ETV3: variants seen among roughly 807,000 people sequenced by gnomAD.
The protein encoded by ETV3 is ETS translocation variant 3.
ETV3 carries 8 observed loss-of-function variants against 33.0 expected under a neutral mutation model. That is an observed-to-expected ratio of 0.24 (90% CI 0.14 to 0.44). ETV3 has a LOEUF of 0.44. Ranked by LOEUF, ETV3 falls within the 20% of genes least tolerant of loss-of-function variation. The pLI is 1.00. For synonymous variants in ETV3, 222 were observed against 238.9 expected (o/e 0.93, Z 0.65); for missense variants, 473 against 652.3 (o/e 0.73, Z 2.99).
At chr1:157,133,332 A>C in intron 4 of ETV3, 1 of 938,192 alleles carries the variant, frequency 1.1e-6, no homozygotes. Flanking sequence ...GTGGTTTGCG[A>C]ATCTACTAGG....
At chr1:157,135,132 A>G in intron 3 of ETV3, 1 of 345,296 alleles carries the variant, frequency 2.9e-6, no homozygotes. Flanking sequence ...ACAGATTCTA[A>G]TAGAGAAGTC....
rs1243255856 is a variant in ETV3, at chr1:157,135,664, C to G, written c.91G>C (p.Gly31Arg). 3 of 1,614,086 alleles carry G rather than the reference C, an allele frequency of 1.9e-6. No individual in the cohort carries two copies. Among genetic ancestry groups the G allele is most frequent in the Non-Finnish European group, 2.5e-6 (3 of 1,180,050 alleles). ...TGCCACAGCTGGATCTGCCGGGAGCCTGGGGATGACTCTGTTTTGTAGGCC... is the reference window on the plus strand; with the variant it reads ...TGCCACAGCTGGATCTGCCGGGAGCGTGGGGATGACTCTGTTTTGTAGGCC... ...DWAYKTESSP[G>R]SRQIQLWHFI... Residue 31 changes from glycine (G) to arginine (R), a missense_variant, in exon 3 of 5, where the codon GGC (glycine) becomes CGC (arginine). Gly to Arg is a moderately radical substitution (Grantham distance 125). Transcript: ENST00000368192.
chr1:157,133,217 C>T (rs1444760170), intron 4 of ETV3: 1 of 166,426 alleles, frequency 6.0e-6, no homozygotes, highest in East Asian at 1.9e-4. Flanking sequence ...TGTCATTAAT[C>T]TCTTACTGTG....
chr1:157,123,456 C>G lies in ETV3; in HGVS notation c.*1385G>C, dbSNP rs1284714118. 5 of 152,280 alleles carry G rather than the reference C, an allele frequency of 3.3e-5. No homozygotes were observed. Among genetic ancestry groups the G allele is most frequent in the Non-Finnish European group, 7.3e-5 (5 of 68,060 alleles). 9.4% of individuals were successfully genotyped at this position (152,280 alleles called of 1,614,324 possible). ...AATTGAACATGAGAATCAGAACAAT[C>G]TGGGCAAATGGGTATGGCAAGAATG... On this transcript the variant is annotated 3_prime_UTR_variant, in exon 5 of 5. Transcript: ENST00000368192.
In ETV3 at chr1:157,124,352, T is replaced by C. The variant is rs1236625022; in HGVS notation, c.*489A>G. ...TCTTATTCCTTCCCTGAAATAATTA[T>C]AAAGAAGCATTTCAGGCAAAATACT... On this transcript the variant is annotated 3_prime_UTR_variant, in exon 5 of 5. Coordinates refer to ENST00000368192, the MANE Select transcript of ETV3 (RefSeq NM_001145312.3). The C allele has an allele frequency of 6.6e-6, 1 of 151,270 alleles. No homozygotes were observed. The highest frequency in any genetic ancestry group is 2.4e-5 in the African/African-American group (1 of 41,122). The allele number at this position is 151,270 out of a possible 1,614,324, so 9.4% of individuals were successfully genotyped here. A position where few individuals can be genotyped will look rare whatever the true frequency, so the allele number is the denominator to read the frequency against.
At chr1:157,134,657 A>C (rs1313931339) in intron 3 of ETV3, among the ~76,000 whole-genome samples, 2 of 152,236 alleles carry the variant, frequency 1.3e-5, no homozygotes, top group African/African-American at 4.8e-5. Context: ...CCTAAGCTCA[A>C]AAGACAGACA....
chr1:157,125,092 G>A lies in ETV3; in HGVS notation c.1288C>T (p.Pro430Ser). The change falls in exon 5 of 5, where the codon CCC (proline) becomes TCC (serine). Residue 430 changes from proline (P) to serine (S), a missense_variant. Pro to Ser is a moderately conservative substitution (Grantham distance 74). This residue lies in a region of ETV3 where 410 missense variants were observed against 520.2 expected (regional missense o/e 0.79). Transcript: ENST00000368192. The surrounding 1 kb of genome is among the most constrained non-coding windows in gnomAD (Gnocchi z 4.0). ...CTAATGGGCACAGAGGGCCAGATGG[G>A]TGGTGCAGCAGGACGGGCAAAGATG... ...GTIFARPAAP[P>S]IWPSVPISTP... 2 of 1,545,700 alleles carry A rather than the reference G, an allele frequency of 1.3e-6. No homozygotes were observed. Among genetic ancestry groups the A allele is most frequent in the Non-Finnish European group, 8.7e-7 (1 of 1,143,712 alleles).
chr1:157,125,387 C>A lies in ETV3; in HGVS notation c.993G>T (p.Gln331His), dbSNP rs1329359246. 6.4e-7 allele frequency: 1 copy of A among 1,552,066 alleles called. No homozygotes were observed. Among genetic ancestry groups the A allele is most frequent in the Non-Finnish European group, 8.7e-7 (1 of 1,147,090 alleles). The change falls in exon 5 of 5, where the codon CAG (glutamine) becomes CAT (histidine). Residue 331 changes from glutamine to histidine, a missense_variant. Gln to His is a conservative substitution (Grantham distance 24). This residue lies in a region of ETV3 where 410 missense variants were observed against 520.2 expected (regional missense o/e 0.79). Coordinates refer to ENST00000368192, the MANE Select transcript of ETV3 (RefSeq NM_001145312.3). The surrounding 1 kb of genome is among the most constrained non-coding windows in gnomAD (Gnocchi z 4.0). The part of the protein sequence containing the change: ...RYPGLMVPPL[Q>H]CQMHPEESTQ... ...TTGACTCCTCAGGATGCATTTGGCA[C>A]TGCAGTGGTGGAACCATGAGCCCTG...
At chr1:157,130,552 G>A (rs1182886512) in intron 4 of ETV3, among the ~76,000 whole-genome samples, 4 of 152,112 alleles carry the variant, frequency 2.6e-5, no homozygotes, top group African/African-American at 7.2e-5. Context: ...GTAGCACACT[G>A]GAATCTTTGA....
At chr1:157,137,312 G>A (rs1403232178) in intron 1 of ETV3, among the ~76,000 whole-genome samples, 8 of 152,056 alleles carry the variant, frequency 5.3e-5, no homozygotes, top group Non-Finnish European at 1.2e-4. Flanking sequence ...GCAGGCATCT[G>A]GAGAGAATGC....
At chr1:157,131,831 AAAC>A (rs948311673) in intron 4 of ETV3, among the ~76,000 whole-genome samples, 1 of 152,242 alleles carries the variant, frequency 6.6e-6, no homozygotes, top group Non-Finnish European at 1.5e-5. Flanking sequence ...AAGTTACCTT[AAAC>A]AACATTTGGC....
Position 157,125,171 on chromosome 1 carries a change from G to A in ETV3, c.1209C>T (p.His403=). ...LRQSAREKEE[H]TQEEGTVPSR... ...TTGGCACAGTGCCCTCTTCTTGAGT[G>A]TGCTCCTCCTTCTCTCGTGCCGACT... Residue 403 remains histidine (H), a synonymous_variant, in exon 5 of 5, where the codon CAC becomes CAT. Coordinates refer to ENST00000368192, the MANE Select transcript of ETV3 (RefSeq NM_001145312.3). This position sits in a 1 kb window ranked among gnomAD's most constrained non-coding sequence, Gnocchi z 4.0. 1 of 1,552,030 alleles carries A rather than the reference G, an allele frequency of 6.4e-7. No homozygotes were observed. Among genetic ancestry groups the A allele is most frequent in the Non-Finnish European group, 8.7e-7 (1 of 1,147,038 alleles).
intron 4 of ETV3, chr1:157,133,895 CAACCAAATA>C (rs1194548011): frequency 1.5e-6 from 2 of 1,378,762 alleles, no homozygotes; most frequent in Non-Finnish European, 1.9e-6. Flanking sequence ...AAAAGGGAAC[CAACCAAATA>C]AACCAAAGAA....
At chr1:157,132,508 A>T (rs1474212129) in intron 4 of ETV3, among the ~76,000 whole-genome samples, 1 of 152,224 alleles carries the variant, frequency 6.6e-6, no homozygotes, top group Non-Finnish European at 1.5e-5. Context: ...GAAGAACAAG[A>T]CGAATGAAAC....
intron 4 of ETV3, chr1:157,133,424 T>C (rs1675019950): frequency 1.0e-6 from 1 of 985,204 alleles, no homozygotes; most frequent in Admixed American, 6.2e-5. Context: ...AGGAAAAAAA[T>C]CACAAACAAA....
chr1:157,130,032 C>T (rs935564085), intron 4 of ETV3, among the ~76,000 whole-genome samples: 5 of 152,014 alleles, frequency 3.3e-5, no homozygotes, highest in African/African-American at 9.7e-5. Context: ...TTAGTAGAGA[C>T]AGGGTTTCAC....
At position 157,125,142 on chromosome 1, in the gene ETV3, C is replaced by G; in HGVS notation, c.1238G>C (p.Arg413Thr). 1 of 1,550,822 alleles carries G rather than the reference C, an allele frequency of 6.4e-7. No individual in the cohort carries two copies. The highest frequency in any genetic ancestry group is 8.7e-7 in the Non-Finnish European group (1 of 1,146,476). Residue 413 changes from arginine (R) to threonine (T), a missense_variant, in exon 5 of 5, where the codon AGG becomes ACG. Around this residue, in one of 3 missense-constraint regions of ETV3, gnomAD observed 410 missense variants for 520.2 expected, o/e 0.79. Transcript: ENST00000368192. The surrounding 1 kb of genome is among the most constrained non-coding windows in gnomAD (Gnocchi z 4.0). Reference sequence around the variant, plus strand: ...GGTGCCTTTTTCCTCTTCAATGGTCCTGCTTGGCACAGTGCCCTCTTCTTG... The same window carrying G: ...GGTGCCTTTTTCCTCTTCAATGGTCGTGCTTGGCACAGTGCCCTCTTCTTG... ...HTQEEGTVPSRTIEEEKGTIF... is the reference protein window; with the variant it reads ...HTQEEGTVPSTTIEEEKGTIF...
chr1:157,125,287 A>C lies in ETV3; in HGVS notation c.1093T>G (p.Ser365Ala), dbSNP rs762980071. 1.3e-6 allele frequency: 2 copies of C among 1,550,812 alleles called. No individual in the cohort carries two copies. Among genetic ancestry groups the C allele is most frequent in the East Asian group, 2.4e-5 (1 of 40,876 alleles). ...NRERVESSEESAPVTTPTMAS... is the reference protein window; with the variant it reads ...NRERVESSEEAAPVTTPTMAS... ...ATGGTGGGCGTGGTGACTGGTGCTG[A>C]CTCCTCGCTGCTCTCAACCCTCTCC... is the stretch of plus-strand genomic sequence containing the variant. Residue 365 changes from serine to alanine, a missense_variant, in exon 5 of 5, where the codon TCA becomes GCA. Coordinates refer to ENST00000368192, the MANE Select transcript of ETV3 (RefSeq NM_001145312.3). This position sits in a 1 kb window ranked among gnomAD's most constrained non-coding sequence, Gnocchi z 4.0.
At chr1:157,133,139 A>T (rs988130947) in intron 4 of ETV3, 2 of 153,466 alleles carry the variant, frequency 1.3e-5, no homozygotes, top group African/African-American at 4.8e-5. Flanking sequence ...ACAGTACACA[A>T]AGATATTTTG....
Sources: allele counts gnomAD v4.1 joint callset (sites outside exome capture counted in the v4.1 genomes callset), GRCh38; gene constraint gnomAD v4.1.1; regional missense constraint gnomAD v4.1.1; non-coding constraint Gnocchi (gnomAD v3.1); transcripts MANE v1.5; gene names NCBI Gene and HGNC (gene_info 2026-07-23, HGNC 2026-07-21).